The following PPP1R12C variants were observed in gnomAD, a reference collection of about 807,000 sequenced individuals.
PPP1R12C encodes protein phosphatase 1 regulatory subunit 12C.
A neutral mutation model predicts 95.6 loss-of-function variants in PPP1R12C; 48 were observed. That is an observed-to-expected ratio of 0.50 (90% CI 0.40 to 0.64). PPP1R12C has a LOEUF of 0.64. PPP1R12C is among the 30% of genes least tolerant of loss of function. The pLI, the probability that PPP1R12C is intolerant of heterozygous loss-of-function variation, is 0.00. For missense variants in PPP1R12C, 1,057 were observed against 1,083.3 expected (o/e 0.98, Z 0.34); for synonymous variants, 480 against 460.8 (o/e 1.04, Z -0.53).
chr19:55,109,032 C>G lies in PPP1R12C; in HGVS notation c.571+3435G>C, dbSNP rs538592940. Among the ~76,000 whole-genome samples the G allele has an allele frequency of 6.6e-6, 1 of 152,292 alleles. No individual in the cohort carries two copies. Among genetic ancestry groups the G allele is most frequent in the South Asian group, 2.1e-4 (1 of 4,826 alleles). On this transcript the variant is annotated intron_variant, in intron 3 of 21. Transcript: ENST00000263433. This position sits in a 1 kb window ranked among gnomAD's most constrained non-coding sequence, Gnocchi z 4.4. The stretch of plus-strand genomic sequence containing the variant: ...ATGGGCCACATGTTGATTTTCCATT[C>G]ATTCGATGATGGGCACTAGGTTGCT...
chr19:55,096,055 G>A lies in PPP1R12C; in HGVS notation c.1149C>T (p.Pro383=). 2.5e-6 allele frequency: 4 copies of A among 1,609,614 alleles called. No homozygotes were observed. The highest frequency in any genetic ancestry group is 2.2e-5 in the East Asian group (1 of 44,856). ...IQDEDEGEEG[P]TEPPPAEPRT... ...GTCCAGATTCAGGCCCCTCACCGGT[G>A]GGACCTTCTTCCCCCTCATCCTCGT... is the stretch of plus-strand genomic sequence containing the variant. Residue 383 remains proline, a synonymous_variant, in exon 8 of 22, where the codon CCC becomes CCT. Coordinates refer to ENST00000263433, the MANE Select transcript of PPP1R12C (RefSeq NM_017607.4).
chr19:55,104,180 G>GTATATATATATATATA (rs756594022), intron 3 of PPP1R12C, among the ~76,000 whole-genome samples: 2 of 72,822 alleles, frequency 2.7e-5, no homozygotes, highest in African/African-American at 9.2e-5. Context: ...AAAAAAAAAA[G>GTATATATATATATATA]TATATATATA....
intron 3 of PPP1R12C, among the ~76,000 whole-genome samples, chr19:55,103,801 G>A (rs2085004116): frequency 6.6e-6 from 1 of 151,966 alleles, no homozygotes; most frequent in Admixed American, 6.6e-5. Flanking sequence ...GGAAAACGGA[G>A]ATCACAGGCC....
At chr19:55,110,745 G>A (rs933521071) in intron 3 of PPP1R12C, among the ~76,000 whole-genome samples, 5 of 152,050 alleles carry the variant, frequency 3.3e-5, no homozygotes, top group East Asian at 1.9e-4. Flanking sequence ...GCTGGCTCAC[G>A]CCTGTAATCT....
chr19:55,103,212 A>G (rs189764896), intron 4 of PPP1R12C, among the ~76,000 whole-genome samples, 197 bp downstream of exon 4: 1 of 152,296 alleles, frequency 6.6e-6, no homozygotes, highest in Admixed American at 6.5e-5. Flanking sequence ...TAAATAATAA[A>G]AGATTACAAA....
chr19:55,100,895 A>T (rs2084972952), intron 4 of PPP1R12C, among the ~76,000 whole-genome samples: 1 of 152,086 alleles, frequency 6.6e-6, no homozygotes, highest in African/African-American at 2.4e-5. Flanking sequence ...TACAGGCGTG[A>T]TCCACCACGC....
At chr19:55,091,624 C>T (rs1291957450) in intron 21 of PPP1R12C, 26 bp downstream of exon 21, 1 of 1,602,084 alleles carries the variant, frequency 6.2e-7, no homozygotes, top group Non-Finnish European at 8.5e-7. Context: ...CCTCGGCCCT[C>T]TGCCCACAGC....
chr19:55,104,960 T>C (rs902306025), intron 3 of PPP1R12C, among the ~76,000 whole-genome samples: 2 of 151,814 alleles, frequency 1.3e-5, no homozygotes, highest in Admixed American at 1.3e-4. Context: ...TTAATAGAGA[T>C]GGGGTTTCAT....
Position 55,113,634 on chromosome 19 carries a change from G to T in PPP1R12C, c.322-839C>A, listed in dbSNP as rs559316883. On this transcript the variant is annotated intron_variant, in intron 1 of 21. Coordinates refer to ENST00000263433, the MANE Select transcript of PPP1R12C (RefSeq NM_017607.4). ...AGGAAGGAGTGAAGCTAAACTCCTA[G>T]ATCCACGGGATAAATTACCCCCCAA... 40 of 1,246,812 alleles carry T rather than the reference G, an allele frequency of 3.2e-5. No homozygotes were observed. The Middle Eastern group carries it at 1.4e-3, about 45-fold the overall frequency. 77.2% of individuals were successfully genotyped at this position (1,246,812 alleles called of 1,614,324 possible).
Position 55,112,803 on chromosome 19 carries a change from TG to T in PPP1R12C, c.322-9del. The stretch of plus-strand genomic sequence containing the variant: ...GTTCTCATCAATGCAGGCCTGGGGG[TG>T]GGAAACAGCCGTCAGCCGCACCTAC... On this transcript the variant is annotated splice_polypyrimidine_tract_variant and intron_variant, in intron 1 of 21. Transcript: ENST00000263433. The T allele has an allele frequency of 6.2e-7, 1 of 1,608,174 alleles. No homozygotes were observed. Among genetic ancestry groups the T allele is most frequent in the Non-Finnish European group, 8.5e-7 (1 of 1,178,610 alleles).
Position 55,092,446 on chromosome 19 carries a change from C to A in PPP1R12C, c.2051G>T (p.Arg684Met). Reference protein sequence around the residue: ...PESEEPDGGFRTLYAELRREN... With the variant: ...PESEEPDGGFMTLYAELRREN... ...GACGGAGGGGTGGGATCGCACCGTCCTAAAGCCTCCGTCTGGCTCTTCCGA... is the reference window on the plus strand; with the variant it reads ...GACGGAGGGGTGGGATCGCACCGTCATAAAGCCTCCGTCTGGCTCTTCCGA... Residue 684 changes from arginine to methionine, a missense_variant, in exon 18 of 22, where the codon AGG (arginine) becomes ATG (methionine). By Grantham distance (91) the Arg-to-Met change is moderately conservative. Transcript: ENST00000263433. 1 of 1,607,552 alleles carries A rather than the reference C, an allele frequency of 6.2e-7. No homozygotes were observed.
At chr19:55,103,597 C>A in intron 3 of PPP1R12C, 29 bp from the exon 4 acceptor site, 2 of 1,522,074 alleles carry the variant, frequency 1.3e-6, no homozygotes, top group Middle Eastern at 1.8e-4. Flanking sequence ...CGAGGTAGGA[C>A]TCACACCCCA....
At position 55,092,286 on chromosome 19, in the gene PPP1R12C, T is replaced by C; in HGVS notation, c.2096A>G (p.Glu699Gly). ...ELRRENERLR[E>G]ALTETTLRLA... ...CCGCAGCGTGGTCTCGGTCAGGGCC[T>C]CGCGAAGCCGCTCGTTCTCCCTGCG... is the stretch of plus-strand genomic sequence containing the variant. Residue 699 changes from glutamate (E) to glycine (G), a missense_variant, in exon 19 of 22, where the codon GAG becomes GGG. Glu to Gly is a moderately conservative substitution (Grantham distance 98, BLOSUM62 -2). This residue lies in a region of PPP1R12C where 347 missense variants were observed against 307.9 expected (regional missense o/e 1.13). Transcript: ENST00000263433. The C allele has an allele frequency of 6.2e-7, 1 of 1,600,612 alleles. No individual in the cohort carries two copies. Among genetic ancestry groups the C allele is most frequent in the Non-Finnish European group, 8.5e-7 (1 of 1,174,034 alleles).
rs999354748 is a variant in PPP1R12C, at chr19:55,099,099, G to C, written c.732-4C>G. 5.2e-6 allele frequency: 8 copies of C among 1,532,844 alleles called. No homozygotes were observed. Among genetic ancestry groups the C allele is most frequent in the Non-Finnish European group, 7.0e-6 (8 of 1,137,524 alleles). The allele number at this position is 1,532,844 out of a possible 1,614,324, so 95.0% of individuals were successfully genotyped here. ...GTAGCCAGCCTGAAGGAGCAACCTG[G>C]GGGCCAGGGAGGCTCAGGGTCAGAG... is the stretch of plus-strand genomic sequence containing the variant. On this transcript the variant is annotated splice_region_variant and splice_polypyrimidine_tract_variant and intron_variant, in intron 4 of 21. Coordinates refer to ENST00000263433, the MANE Select transcript of PPP1R12C (RefSeq NM_017607.4).
intron 1 of PPP1R12C, chr19:55,113,819 T>TGGGTGGAAGGGGCC (rs2085124982): frequency 4.7e-6 from 1 of 214,048 alleles, no homozygotes; most frequent in Non-Finnish European, 9.2e-6. Context: ...GTCATGGCGA[T>TGGGTGGAAGGGGCC]AGGGGAGGGG....
chr19:55,112,551 C>A lies in PPP1R12C; in HGVS notation c.487G>T (p.Val163Phe), dbSNP rs778583495. The A allele has an allele frequency of 3.1e-6, 5 of 1,612,992 alleles. No individual in the cohort carries two copies. Among genetic ancestry groups the A allele is most frequent in the Non-Finnish European group, 4.2e-6 (5 of 1,179,714 alleles). ...LLSHGANIAA[V>F]NSDGDLPLDL... ...AGGGGCAGGTCCCCGTCACTGTTGA[C>A]GGCGGCGATGTTGGCCCCGTGGCTC... Residue 163 changes from valine to phenylalanine, a missense_variant, in exon 3 of 22, where the codon GTC becomes TTC. This residue lies in a region of PPP1R12C where 282 missense variants were observed against 380.4 expected (regional missense o/e 0.74). Transcript: ENST00000263433.
intron 3 of PPP1R12C, among the ~76,000 whole-genome samples, chr19:55,111,150 A>AG (rs66532829): frequency 2.8e-4 from 18 of 65,160 alleles, no homozygotes; most frequent in South Asian, 7.0e-4. Context: ...GGTGGGGGGG[A>AG]GGGGGGGGTG....
chr19:55,116,367 C>A (rs79948373), intron 1 of PPP1R12C, among the ~76,000 whole-genome samples: 2,950 of 152,154 alleles, frequency 0.019, 125 homozygotes, highest in African/African-American at 0.067. Flanking sequence ...TCACGTGGTG[C>A]AGCGCCGAGA....
At chr19:55,110,770 C>G (rs1196417486) in intron 3 of PPP1R12C, among the ~76,000 whole-genome samples, 1 of 151,650 alleles carries the variant, frequency 6.6e-6, no homozygotes, top group Non-Finnish European at 1.5e-5. Flanking sequence ...TACCCAGAAG[C>G]TGAGGCAGGA....
Sources: gnomAD v4.1 joint callset for allele counts (sites outside exome capture counted in the v4.1 genomes callset) on GRCh38, gnomAD v4.1.1 for gene constraint, gnomAD v4.1.1 regional missense constraint, Gnocchi (gnomAD v3.1) non-coding constraint, MANE v1.5 for transcripts, NCBI Gene and HGNC (gene_info 2026-07-23, HGNC 2026-07-21) for gene names.